Variants in CLMN observed in about 807,000 individuals in gnomAD.
CLMN encodes the protein calmin.
A neutral mutation model predicts 92.7 loss-of-function variants in CLMN; 57 were observed. That is an observed-to-expected ratio of 0.61 (90% CI 0.50 to 0.77). The LOEUF (loss-of-function observed/expected upper bound fraction) is 0.77, where lower values mean the gene tolerates loss of function less well. Ranked by LOEUF, CLMN falls within the 30% of genes least tolerant of loss-of-function variation. CLMN has a pLI of 0.00. For missense variants in CLMN, 1,158 were observed against 1,237.5 expected, an observed-to-expected ratio of 0.94 and a Z score of 0.96; for synonymous variants, 466 against 470.6, an observed-to-expected ratio of 0.99 and a Z score of 0.13.
chr14:95,278,279 T>C (rs970503722), intron 1 of CLMN, among the ~76,000 whole-genome samples: 4 of 152,242 alleles, frequency 2.6e-5, no homozygotes, highest in East Asian at 1.9e-4. Context: ...AGAGATTTCA[T>C]TAAAACTCAG....
At chr14:95,270,750 A>T (rs1173689141) in intron 1 of CLMN, among the ~76,000 whole-genome samples, 1 of 152,210 alleles carries the variant, frequency 6.6e-6, no homozygotes, top group East Asian at 1.9e-4. Flanking sequence ...CCTACCATGA[A>T]TAATTCTGCC....
At chr14:95,222,480 C>T in intron 3 of CLMN, 2 of 442,484 alleles carry the variant, frequency 4.5e-6, no homozygotes, top group Admixed American at 2.4e-5. Flanking sequence ...GTCAGCTCCA[C>T]CAGGTGTGAA....
chr14:95,212,863 G>A (rs1897236748), intron 6 of CLMN, among the ~76,000 whole-genome samples: 1 of 148,762 alleles, frequency 6.7e-6, no homozygotes, highest in African/African-American at 2.5e-5. Context: ...TCGGCTCACT[G>A]CAAGCTCCGC....
rs1379617462 is a variant in CLMN, at chr14:95,204,313, G to A, written c.1036C>T (p.Pro346Ser). The A allele has an allele frequency of 1.2e-6, 2 of 1,614,128 alleles. No individual in the cohort carries two copies. The highest frequency in any genetic ancestry group is 1.7e-6 in the Non-Finnish European group (2 of 1,180,016). ...YTVNHETSHP[P>S]PSKVFVCDKP... ...TCACAGACAAAGACTTTGGAGGGTG[G>A]TGGGTGGCTGGTTTCATGGTTAACA... Residue 346 changes from proline to serine, a missense_variant, in exon 9 of 13, where the codon CCA becomes TCA. By Grantham distance (74) the Pro-to-Ser change is moderately conservative (BLOSUM62 -1). Coordinates refer to ENST00000298912, the MANE Select transcript of CLMN (RefSeq NM_024734.4).
chr14:95,308,345 G>A (rs1901375163), intron 1 of CLMN, among the ~76,000 whole-genome samples: 1 of 152,144 alleles, frequency 6.6e-6, no homozygotes, highest in South Asian at 2.1e-4. Context: ...TTTTCTTTCT[G>A]GGTTCCAAGT....
At chr14:95,270,810 T>G (rs1340813123) in intron 1 of CLMN, among the ~76,000 whole-genome samples, 12 of 152,244 alleles carry the variant, frequency 7.9e-5, no homozygotes, top group Admixed American at 7.9e-4. Context: ...AGGTCTGTTT[T>G]CATTTCTCCT....
intron 9 of CLMN, among the ~76,000 whole-genome samples, chr14:95,200,876 A>C (rs776833857): frequency 6.6e-5 from 10 of 152,170 alleles, no homozygotes; most frequent in Non-Finnish European, 1.2e-4. Context: ...TGTTTCTCCT[A>C]AGTTACTGCA....
intron 1 of CLMN, among the ~76,000 whole-genome samples, chr14:95,272,885 T>G (rs367764385): frequency 1.8e-4 from 27 of 152,324 alleles, no homozygotes; most frequent in African/African-American, 6.3e-4. Flanking sequence ...AGACAAACAC[T>G]TGCATGGTTC....
At chr14:95,246,755 C>T (rs968346567) in intron 1 of CLMN, among the ~76,000 whole-genome samples, 1 of 152,238 alleles carries the variant, frequency 6.6e-6, no homozygotes, top group Non-Finnish European at 1.5e-5. Context: ...GCGTGAGCCA[C>T]GGCACCTGGC....
In CLMN at chr14:95,210,812, T is replaced by C. The variant is rs1374385686; in HGVS notation, c.676A>G (p.Lys226Glu). 3 of 1,587,546 alleles carry C rather than the reference T, an allele frequency of 1.9e-6. No homozygotes were observed. The highest frequency in any genetic ancestry group is 1.9e-5 in the Admixed American group (1 of 53,004). The change falls in exon 7 of 13, where the codon AAG becomes GAG. Residue 226 changes from lysine to glutamate, a missense_variant. Coordinates refer to ENST00000298912, the MANE Select transcript of CLMN (RefSeq NM_024734.4). ...RSGLAFLAVI[K>E]AIDPSLVDMK... is the part of the protein sequence containing the mutation. ...TCCACCAGGCTGGGGTCAATGGCCT[T>C]GATCACCGCCAGGAAAGCCAGCCCA...
Position 95,203,596 on chromosome 14 carries a change from A to G in CLMN, c.1753T>C (p.Ser585Pro). 1 of 1,614,142 alleles carries G rather than the reference A, an allele frequency of 6.2e-7. No individual in the cohort carries two copies. The highest frequency in any genetic ancestry group is 1.7e-5 in the Admixed American group (1 of 60,020). Residue 585 changes from serine (S) to proline (P), a missense_variant, in exon 9 of 13, where the codon TCA (serine) becomes CCA (proline). By Grantham distance (74) the Ser-to-Pro change is moderately conservative (BLOSUM62 -1). Transcript: ENST00000298912. ...STSQAFNKVPSPHETKPDEDA... is the reference protein window; with the variant it reads ...STSQAFNKVPPPHETKPDEDA... ...TCGTCAGGTTTTGTCTCATGAGGTG[A>G]AGGAACTTTGTTGAAAGCCTGGCTG...
chr14:95,231,861 A>G (rs998115478), intron 1 of CLMN, among the ~76,000 whole-genome samples: 6 of 152,342 alleles, frequency 3.9e-5, no homozygotes, highest in East Asian at 3.9e-4. Context: ...CACTTGCTAT[A>G]TGGCAGGCAC....
chr14:95,267,415 A>G (rs992809602), intron 1 of CLMN, among the ~76,000 whole-genome samples: 1 of 152,262 alleles, frequency 6.6e-6, no homozygotes, highest in Admixed American at 6.5e-5. Context: ...CAAACGGCCA[A>G]CAGGCATATG....
chr14:95,292,538 T>C (rs1348381615), intron 1 of CLMN, among the ~76,000 whole-genome samples: 1 of 150,518 alleles, frequency 6.6e-6, no homozygotes, highest in Non-Finnish European at 1.5e-5. Flanking sequence ...TTATTGATTT[T>C]TGTCCTTCCT....
intron 1 of CLMN, among the ~76,000 whole-genome samples, chr14:95,244,520 T>C (rs1358780643): frequency 6.6e-6 from 1 of 152,202 alleles, no homozygotes; most frequent in Non-Finnish European, 1.5e-5. Flanking sequence ...TAACATCGCA[T>C]AGAAAAACTA....
intron 1 of CLMN, among the ~76,000 whole-genome samples, chr14:95,238,939 T>C (rs1268368748): frequency 6.6e-6 from 1 of 152,150 alleles, no homozygotes; most frequent in Non-Finnish European, 1.5e-5. Context: ...AAATTAAGTT[T>C]AAGCTATATA....
intron 1 of CLMN, among the ~76,000 whole-genome samples, chr14:95,316,805 C>A (rs1403207308): frequency 6.6e-6 from 1 of 152,202 alleles, no homozygotes; most frequent in Non-Finnish European, 1.5e-5. Flanking sequence ...CCCAGGATCA[C>A]CCCATCCCAG....
chr14:95,209,612 T>C (rs1897139402), intron 7 of CLMN, 135 bp from the exon 8 acceptor site: 1 of 712,124 alleles, frequency 1.4e-6, no homozygotes, highest in South Asian at 1.6e-5. Context: ...TGAGGAACTT[T>C]AGGCTCAAAG....
chr14:95,306,732 A>T (rs1000103571), intron 1 of CLMN, among the ~76,000 whole-genome samples: 1 of 152,238 alleles, frequency 6.6e-6, no homozygotes, highest in Non-Finnish European at 1.5e-5. Flanking sequence ...TTTACTACAC[A>T]GCTAAGCTCT....
Sources: gnomAD v4.1 joint callset for allele counts (sites outside exome capture counted in the v4.1 genomes callset) on GRCh38, gnomAD v4.1.1 for gene constraint, MANE v1.5 for transcripts, NCBI Gene and HGNC (gene_info 2026-07-23, HGNC 2026-07-21) for gene names.